SMIM35: variants seen among roughly 807,000 people sequenced by gnomAD.
The protein encoded by SMIM35 is TMPRSS4 antisense RNA 1 (non-protein coding).
intron 1 of SMIM35, among the ~76,000 whole-genome samples, chr11:118,080,173 C>T (rs1362678626): frequency 6.6e-6 from 1 of 152,168 alleles, no homozygotes; most frequent in Non-Finnish European, 1.5e-5. Flanking sequence ...TTACAAGGTA[C>T]CCCTGGAGCT....
At chr11:118,033,650 T>C (rs1200348137) in intron 1 of SMIM35, among the ~76,000 whole-genome samples, 1 of 152,166 alleles carries the variant, frequency 6.6e-6, no homozygotes, top group Admixed American at 6.5e-5. Context: ...GATCTCCTGA[T>C]ACCGAAAGAA....
intron 1 of SMIM35, among the ~76,000 whole-genome samples, chr11:118,033,376 T>C (rs1433022873): frequency 3.9e-5 from 6 of 152,228 alleles, no homozygotes. Flanking sequence ...CCCTTCTGTT[T>C]TGGTCAAAGT....
At chr11:118,028,698 A>T (rs77675661) in intron 1 of SMIM35, 1 of 317,240 alleles carries the variant, frequency 3.2e-6, no homozygotes, top group Non-Finnish European at 6.3e-6. Flanking sequence ...GGAGAGGAAA[A>T]AAGTCTAAAA....
rs866386013 is a variant in SMIM35 at position 118,085,240 on chromosome 11, T to C, written c.7+1511A>G. The stretch of plus-strand genomic sequence containing the variant: ...ATCTTCTTCTTCTTTTTTTTTTTTT[T>C]TGAGACAGAGTCTAACACTGTTGCC... On this transcript the variant is annotated intron_variant, in intron 1 of 4. Transcript: ENST00000689828. Among the ~76,000 whole-genome samples, 831 of 151,182 alleles carry C rather than the reference T, an allele frequency of 5.5e-3. 6 individuals are homozygous for C. Among genetic ancestry groups the C allele is most frequent in the African/African-American group, 0.02 (802 of 40,890 alleles).
chr11:118,044,428 C>T (rs1944060014), intron 1 of SMIM35, among the ~76,000 whole-genome samples: 1 of 151,966 alleles, frequency 6.6e-6, no homozygotes, highest in Non-Finnish European at 1.5e-5. Flanking sequence ...GACCTAAAGC[C>T]AGGAGATCTT....
Position 118,005,490 on chromosome 11 carries a change from G to A in SMIM35, c.*920C>T, listed in dbSNP as rs1259814645. On this transcript the variant is annotated 3_prime_UTR_variant, in exon 5 of 5. Transcript: ENST00000689828. ...ATCCAGCTGCCTCATCAGCAGCTCCGTCCAGCATACATCTCAAAATTATAG... is the reference window on the plus strand; with the variant it reads ...ATCCAGCTGCCTCATCAGCAGCTCCATCCAGCATACATCTCAAAATTATAG... 3 of 152,108 alleles carry A rather than the reference G, an allele frequency of 2.0e-5. No individual in the cohort carries two copies. The highest frequency in any genetic ancestry group is 6.5e-5 in the Admixed American group (1 of 15,270). 9.4% of individuals were successfully genotyped at this position (152,108 alleles called of 1,614,324 possible).
At chr11:118,038,387 G>A (rs1301237244) in intron 1 of SMIM35, among the ~76,000 whole-genome samples, 4 of 152,274 alleles carry the variant, frequency 2.6e-5, no homozygotes, top group Admixed American at 6.5e-5. Context: ...CCAGTGTAGC[G>A]CTGTTCTTTA....
chr11:118,016,144 G>C (rs2135023039), intron 1 of SMIM35, among the ~76,000 whole-genome samples: 1 of 152,256 alleles, frequency 6.6e-6, no homozygotes, highest in South Asian at 2.1e-4. Context: ...TCCAGCCTCA[G>C]CATGAGCCAG....
chr11:118,078,409 G>T (rs570934657), intron 1 of SMIM35, among the ~76,000 whole-genome samples: 3 of 151,970 alleles, frequency 2.0e-5, no homozygotes, highest in Non-Finnish European at 4.4e-5. Context: ...TCGAGTGATT[G>T]TCTCCTATTC....
At chr11:118,063,017 C>T (rs1036499977) in intron 1 of SMIM35, among the ~76,000 whole-genome samples, 1 of 152,132 alleles carries the variant, frequency 6.6e-6, no homozygotes, top group Non-Finnish European at 1.5e-5. Context: ...GCACTCCCAC[C>T]AGCGCCAAGA....
intron 1 of SMIM35, among the ~76,000 whole-genome samples, chr11:118,052,091 G>T (rs1423660559): frequency 6.6e-6 from 1 of 152,150 alleles, no homozygotes; most frequent in Non-Finnish European, 1.5e-5. Flanking sequence ...TTTAAAGCGG[G>T]AATAAGAGTT....
intron 4 of SMIM35, among the ~76,000 whole-genome samples, chr11:118,009,715 G>A (rs1232159280): frequency 6.8e-6 from 1 of 146,516 alleles, no homozygotes; most frequent in Non-Finnish European, 1.5e-5. Flanking sequence ...AACTGAGAAT[G>A]CAGACGCTTT....
chr11:118,031,355 C>G lies in SMIM35; in HGVS notation c.8-15546G>C, dbSNP rs150574192. 3.6e-3 allele frequency among the ~76,000 whole-genome samples: 547 copies of G among 152,230 alleles called. 3 individuals carry two copies. Among genetic ancestry groups the G allele is most frequent in the Non-Finnish European group, 3.5e-3 (241 of 68,016 alleles). On this transcript the variant is annotated intron_variant, in intron 1 of 4. Transcript: ENST00000689828. ...ATTTTCCACTCAAAGGAACCAGGGT[C>G]CCTTGGAGAAATGGCTGATTTCAGT...
intron 1 of SMIM35, among the ~76,000 whole-genome samples, chr11:118,044,918 TA>T (rs1944073563): frequency 6.6e-6 from 1 of 151,992 alleles, no homozygotes; most frequent in African/African-American, 2.4e-5. Context: ...CAAGGAACTT[TA>T]AAACAAAACA....
intron 1 of SMIM35, among the ~76,000 whole-genome samples, chr11:118,044,790 G>T (rs1462637295): frequency 2.0e-5 from 1 of 49,062 alleles, no homozygotes; most frequent in East Asian, 5.2e-4. Flanking sequence ...AAAAAAAAAA[G>T]TTCATTCTAC....
intron 1 of SMIM35, among the ~76,000 whole-genome samples, chr11:118,057,191 G>C (rs1399602285): frequency 6.6e-6 from 1 of 152,214 alleles, no homozygotes; most frequent in Non-Finnish European, 1.5e-5. Flanking sequence ...TCTTAAGAAG[G>C]AGGAATAGAG....
At chr11:118,057,091 G>C (rs1201254041) in intron 1 of SMIM35, among the ~76,000 whole-genome samples, 3 of 152,208 alleles carry the variant, frequency 2.0e-5, no homozygotes, top group Non-Finnish European at 4.4e-5. Context: ...AAGGGAAAGC[G>C]GTGCATTGGA....
chr11:118,006,981 C>A (rs1465285675), intron 4 of SMIM35, among the ~76,000 whole-genome samples: 1 of 152,182 alleles, frequency 6.6e-6, no homozygotes, highest in Non-Finnish European at 1.5e-5. Context: ...CATGGGCAGG[C>A]CCTCTGGAAA....
intron 1 of SMIM35, among the ~76,000 whole-genome samples, chr11:118,054,748 A>C (rs942664021): frequency 2.6e-5 from 4 of 152,078 alleles, no homozygotes; most frequent in Admixed American, 6.5e-5. Context: ...TTTGAAATGT[A>C]AATAAATATG....
Sources: gnomAD v4.1 joint callset for allele counts (sites outside exome capture counted in the v4.1 genomes callset) on GRCh38, gnomAD v4.1.1 for gene constraint, MANE v1.5 for transcripts, NCBI Gene and HGNC (gene_info 2026-07-23, HGNC 2026-07-21) for gene names.